Variants in NR4A2 observed in about 807,000 individuals in gnomAD.
NR4A2 encodes NGFI-B/nur77 beta-type transcription factor homolog.
In NR4A2, 1 loss-of-function variant was observed where a neutral mutation model predicts 50.5. That is an observed-to-expected ratio of 0.02 (90% CI 0.01 to 0.09). NR4A2 has a LOEUF of 0.09. Ranked by LOEUF, NR4A2 falls within the 10% of genes least tolerant of loss-of-function variation. NR4A2 has a pLI of 1.00. For synonymous variants in NR4A2, 328 were observed against 309.4 expected, an observed-to-expected ratio of 1.06 and a Z score of -0.63; for missense variants, 613 against 777.3, an observed-to-expected ratio of 0.79 and a Z score of 2.51.
At position 156,332,501 on chromosome 2, in the gene NR4A2, CTTCA is replaced by C. The variant is rs2105626034; in HGVS notation, c.-152_-149del. ...TCACTTAGGAGTTCTCCGCGTCTGTCTTCATTCATTCAACTCTGCCGAAGTGCAG... is the reference window on the plus strand; with the variant it reads ...TCACTTAGGAGTTCTCCGCGTCTGTCTTCATTCAACTCTGCCGAAGTGCAG... On this transcript the variant is annotated 5_prime_UTR_variant, in exon 1 of 8. It removes an upstream start codon present in the reference 5' UTR. Transcript: ENST00000339562. The C allele has an allele frequency of 7.8e-6, 10 of 1,289,148 alleles. No individual in the cohort carries two copies. The highest frequency in any genetic ancestry group is 1.5e-5 in the African/African-American group (1 of 65,998). The allele number at this position is 1,289,148 out of a possible 1,614,324, so 79.9% of individuals were successfully genotyped here. A position where few individuals can be genotyped will look rare whatever the true frequency, so the allele number is the denominator to read the frequency against.
Position 156,326,414 on chromosome 2 carries a change from G to A in NR4A2, c.1362-86C>T. ...AATTACTTGAAGAGCAATAAATGAG[G>A]GATTTAAGAGTCACCTAATTACTGA... On this transcript the variant is annotated intron_variant, in intron 6 of 7. Coordinates refer to ENST00000339562, the MANE Select transcript of NR4A2 (RefSeq NM_006186.4). This position sits in a 1 kb window ranked among gnomAD's most constrained non-coding sequence, Gnocchi z 4.2. The A allele has an allele frequency of 8.1e-7, 1 of 1,233,172 alleles. No homozygotes were observed. The allele number at this position is 1,233,172 out of a possible 1,614,324, so 76.4% of individuals were successfully genotyped here. A position where few individuals can be genotyped will look rare whatever the true frequency, so the allele number is the denominator to read the frequency against.
In NR4A2 at chr2:156,329,261, A is replaced by C; in HGVS notation, c.864+62T>G. The C allele has an allele frequency of 1.3e-6, 2 of 1,566,452 alleles. No individual in the cohort carries two copies. The highest frequency in any genetic ancestry group is 8.7e-7 in the Non-Finnish European group (1 of 1,155,526). On this transcript the variant is annotated intron_variant, in intron 3 of 7. Coordinates refer to ENST00000339562, the MANE Select transcript of NR4A2 (RefSeq NM_006186.4). The surrounding 1 kb of genome is among the most constrained non-coding windows in gnomAD (Gnocchi z 7.5). ...CTACTGGCACCAAGGCAGAGGGCAC[A>C]CTCCGAGGTCCCGGGCACTAGGGGC...
At position 156,329,377 on chromosome 2, in the gene NR4A2, C is replaced by G; in HGVS notation, c.810G>C (p.Ala270=). The change falls in exon 3 of 8, where the codon GCG becomes GCC. Residue 270 remains alanine (A), a synonymous_variant. Coordinates refer to ENST00000339562, the MANE Select transcript of NR4A2 (RefSeq NM_006186.4). The surrounding 1 kb of genome is among the most constrained non-coding windows in gnomAD (Gnocchi z 7.5). ...TGCGCACGCCGTAGTGTTGGCAGGC[C>G]GCGTTGTCCCCACACACAGCGCACA... ...EGLCAVCGDN[A]ACQHYGVRTC... is the part of the protein sequence containing the mutation. The G allele has an allele frequency of 6.2e-7, 1 of 1,612,360 alleles. No homozygotes were observed.
intron 1 of NR4A2, among the ~76,000 whole-genome samples, chr2:156,331,340 A>G (rs1242568299): frequency 1.3e-5 from 2 of 152,234 alleles, no homozygotes; most frequent in Non-Finnish European, 2.9e-5. Context: ...CCGCACTTCT[A>G]AAGTGCTTTT....
At position 156,329,721 on chromosome 2, in the gene NR4A2, A is replaced by G. The variant is rs1686832411; in HGVS notation, c.466T>C (p.Tyr156His). 6.2e-7 allele frequency: 1 copy of G among 1,613,866 alleles called. No homozygotes were observed. Among genetic ancestry groups the G allele is most frequent in the Non-Finnish European group, 8.5e-7 (1 of 1,179,930 alleles). ...TCGATCATGTGCGTAGTGGCCACGT[A>G]GTTCTGGTGGAAGTTGTGGAGAGAT... is the stretch of plus-strand genomic sequence containing the variant. ...PGSLHNFHQNYVATTHMIEQR... is the reference protein window; with the variant it reads ...PGSLHNFHQNHVATTHMIEQR... Residue 156 changes from tyrosine to histidine, a missense_variant, in exon 3 of 8, where the codon TAC (tyrosine) becomes CAC (histidine). This residue lies in a region of NR4A2 where 275 missense variants were observed against 248.9 expected (regional missense o/e 1.10). Coordinates refer to ENST00000339562, the MANE Select transcript of NR4A2 (RefSeq NM_006186.4). The surrounding 1 kb of genome is among the most constrained non-coding windows in gnomAD (Gnocchi z 7.5).
intron 5 of NR4A2, among the ~76,000 whole-genome samples, chr2:156,327,146 A>G (rs1025472653): frequency 1.3e-5 from 2 of 152,186 alleles, no homozygotes; most frequent in African/African-American, 4.8e-5. Flanking sequence ...GACTAAATAC[A>G]GTGCCATCCA....
rs775630090 is a variant in NR4A2 at position 156,330,048 on chromosome 2, T to C, written c.139A>G (p.Thr47Ala). ...GTGGTGGCAGTGATTTCAGTGTTGG[T>C]GAGGTCCATGCTAAACTTGACAAAC... Reference protein sequence around the residue: ...PEFVKFSMDLTNTEITATTSL... With the variant: ...PEFVKFSMDLANTEITATTSL... Residue 47 changes from threonine (T) to alanine (A), a missense_variant, in exon 3 of 8, where the codon ACC becomes GCC. By Grantham distance (58) the Thr-to-Ala change is moderately conservative (BLOSUM62 0). Around this residue, in one of 4 missense-constraint regions of NR4A2, gnomAD observed 61 missense variants for 96.4 expected, o/e 0.63. Transcript: ENST00000339562. 6.2e-7 allele frequency: 1 copy of C among 1,614,100 alleles called. No individual in the cohort carries two copies. Among genetic ancestry groups the C allele is most frequent in the Non-Finnish European group, 8.5e-7 (1 of 1,180,014 alleles).
In NR4A2 at chr2:156,326,063, C is replaced by T; in HGVS notation, c.1541-63G>A. ...CAAGACAGTTAGCTAGTTGGCAAAA[C>T]CAAGGAGAATCTGTGACAAGGGAAA... is the stretch of plus-strand genomic sequence containing the variant. On this transcript the variant is annotated intron_variant, in intron 7 of 7. Transcript: ENST00000339562. The surrounding 1 kb of genome is among the most constrained non-coding windows in gnomAD (Gnocchi z 4.2). 2 of 1,613,604 alleles carry T rather than the reference C, an allele frequency of 1.2e-6. No individual in the cohort carries two copies. Among genetic ancestry groups the T allele is most frequent in the South Asian group, 2.2e-5 (2 of 91,014 alleles).
Position 156,326,016 on chromosome 2 carries a change from T to C in NR4A2, c.1541-16A>G. On this transcript the variant is annotated splice_polypyrimidine_tract_variant and intron_variant, in intron 7 of 7. Coordinates refer to ENST00000339562, the MANE Select transcript of NR4A2 (RefSeq NM_006186.4). The surrounding 1 kb of genome is among the most constrained non-coding windows in gnomAD (Gnocchi z 4.2). ...CCGTGTCTCTCTGCAGAAAACATAATCAGAAACAAAAGAAGAATGTACAAG... is the reference window on the plus strand; with the variant it reads ...CCGTGTCTCTCTGCAGAAAACATAACCAGAAACAAAAGAAGAATGTACAAG... 2 of 1,614,088 alleles carry C rather than the reference T, an allele frequency of 1.2e-6. No homozygotes were observed. The highest frequency in any genetic ancestry group is 1.3e-5 in the African/African-American group (1 of 75,014).
intron 5 of NR4A2, among the ~76,000 whole-genome samples, chr2:156,327,124 C>G (rs962978534): frequency 6.6e-6 from 1 of 152,098 alleles, no homozygotes; most frequent in Non-Finnish European, 1.5e-5. Flanking sequence ...TGTAAATTGC[C>G]ATTTCCATAC....
At position 156,330,161 on chromosome 2, in the gene NR4A2, C is replaced by G; in HGVS notation, c.26G>C (p.Gly9Ala). 1 of 1,614,094 alleles carries G rather than the reference C, an allele frequency of 6.2e-7. No individual in the cohort carries two copies. Among genetic ancestry groups the G allele is most frequent in the Non-Finnish European group, 8.5e-7 (1 of 1,180,014 alleles). The part of the protein sequence containing the change: MPCVQAQY[G>A]SSPQGASPAS... ...GGGGCTGGCTCCTTGAGGCGAGGAC[C>G]CATACTGCGCCTGAACACAAGGCAT... Residue 9 changes from glycine to alanine, a missense_variant, in exon 3 of 8, where the codon GGG becomes GCG. Gly to Ala is a moderately conservative substitution (Grantham distance 60). Around this residue, in one of 4 missense-constraint regions of NR4A2, gnomAD observed 61 missense variants for 96.4 expected, o/e 0.63. Coordinates refer to ENST00000339562, the MANE Select transcript of NR4A2 (RefSeq NM_006186.4).
In NR4A2 at chr2:156,329,829, C is replaced by A. The variant is rs779969826; in HGVS notation, c.358G>T (p.Val120Phe). 30 of 1,614,128 alleles carry A rather than the reference C, an allele frequency of 1.9e-5. No homozygotes were observed. The highest frequency in any genetic ancestry group is 2.5e-5 in the Non-Finnish European group (29 of 1,180,024). The change falls in exon 3 of 8, where the codon GTT becomes TTT. Residue 120 changes from valine (V) to phenylalanine (F), a missense_variant. Around this residue, in one of 4 missense-constraint regions of NR4A2, gnomAD observed 275 missense variants for 248.9 expected, o/e 1.10. Coordinates refer to ENST00000339562, the MANE Select transcript of NR4A2 (RefSeq NM_006186.4). The surrounding 1 kb of genome is among the most constrained non-coding windows in gnomAD (Gnocchi z 7.5). ...SEEMMPHSGS[V>F]YYKPSSPPTP... ...GGGGGCGAGGAGGGCTTGTAGTAAACCGACCCGGAGTGCGGCATCATCTCC... is the reference window on the plus strand; with the variant it reads ...GGGGGCGAGGAGGGCTTGTAGTAAAACGACCCGGAGTGCGGCATCATCTCC...
chr2:156,332,676 G>A lies in NR4A2; in HGVS notation c.-323C>T, dbSNP rs868319734. ...ACCGCGGAGCCGTGCGCGAGCCGCC[G>A]GGCGGACTGGCCCTGGCCGCCAATG... On this transcript the variant is annotated 5_prime_UTR_variant, in exon 1 of 8. Coordinates refer to ENST00000339562, the MANE Select transcript of NR4A2 (RefSeq NM_006186.4). 3.8e-5 allele frequency: 15 copies of A among 396,580 alleles called. No homozygotes were observed. Among genetic ancestry groups the A allele is most frequent in the Non-Finnish European group, 5.9e-5 (12 of 204,648 alleles). The allele number at this position is 396,580 out of a possible 1,614,324, so 24.6% of individuals were successfully genotyped here. A position where few individuals can be genotyped will look rare whatever the true frequency, so the allele number is the denominator to read the frequency against.
chr2:156,329,991 T>C lies in NR4A2; in HGVS notation c.196A>G (p.Asn66Asp). 1 of 1,614,200 alleles carries C rather than the reference T, an allele frequency of 6.2e-7. No homozygotes were observed. Among genetic ancestry groups the C allele is most frequent in the Non-Finnish European group, 8.5e-7 (1 of 1,180,036 alleles). The change falls in exon 3 of 8, where the codon AAC becomes GAC. Residue 66 changes from asparagine (N) to aspartate (D), a missense_variant. Coordinates refer to ENST00000339562, the MANE Select transcript of NR4A2 (RefSeq NM_006186.4). This position sits in a 1 kb window ranked among gnomAD's most constrained non-coding sequence, Gnocchi z 7.5. Reference sequence around the variant, plus strand: ...TTGACGTCGTAGCCTGTGCTGTAGTTGTCCATAAAGGTACTGAAGCTGGGG... The same window carrying C: ...TTGACGTCGTAGCCTGTGCTGTAGTCGTCCATAAAGGTACTGAAGCTGGGG... ...SLPSFSTFMD[N>D]YSTGYDVKPP...
chr2:156,325,506 T>C lies in NR4A2; in HGVS notation c.*238A>G. 1.8e-6 allele frequency: 1 copy of C among 568,022 alleles called. No homozygotes were observed. Among genetic ancestry groups the C allele is most frequent in the East Asian group, 3.1e-5 (1 of 32,098 alleles). The allele number at this position is 568,022 out of a possible 1,614,324, so 35.2% of individuals were successfully genotyped here. A position where few individuals can be genotyped will look rare whatever the true frequency, so the allele number is the denominator to read the frequency against. ...TATTGTGTGTAGTCCATGTTCTAAA[T>C]CCAGGATGCCCCGGAGCCAAAATGC... is the stretch of plus-strand genomic sequence containing the variant. On this transcript the variant is annotated 3_prime_UTR_variant, in exon 8 of 8. Coordinates refer to ENST00000339562, the MANE Select transcript of NR4A2 (RefSeq NM_006186.4).
At position 156,326,974 on chromosome 2, in the gene NR4A2, G is replaced by A. The variant is rs536188530; in HGVS notation, c.1159-54C>T. On this transcript the variant is annotated intron_variant, in intron 5 of 7. Transcript: ENST00000339562. The surrounding 1 kb of genome is among the most constrained non-coding windows in gnomAD (Gnocchi z 4.2). ...TGAGGTTCTCTAAAATATATAACCC[G>A]TGAAATTGCTAACCCCGTTTCTAAT... 1.5e-5 allele frequency: 24 copies of A among 1,552,664 alleles called. No individual in the cohort carries two copies. The South Asian group carries it at 1.7e-4, about 11-fold the overall frequency.
At position 156,329,176 on chromosome 2, in the gene NR4A2, T is replaced by A; in HGVS notation, c.864+147A>T. The A allele has an allele frequency of 8.4e-7, 1 of 1,183,548 alleles. No individual in the cohort carries two copies. Among genetic ancestry groups the A allele is most frequent in the Non-Finnish European group, 1.2e-6 (1 of 828,196 alleles). 73.3% of individuals were successfully genotyped at this position (1,183,548 alleles called of 1,614,324 possible). ...GTCCCCGCCGCAGCCCATGGTCTCC[T>A]GCAGGGCAGCTTCGGCGGACCCCGG... On this transcript the variant is annotated intron_variant, in intron 3 of 7. Transcript: ENST00000339562. This position sits in a 1 kb window ranked among gnomAD's most constrained non-coding sequence, Gnocchi z 7.5.
chr2:156,331,646 T>C (rs555507210), intron 1 of NR4A2: 1 of 152,362 alleles, frequency 6.6e-6, no homozygotes, highest in Admixed American at 6.5e-5. Context: ...TTTTCAGATG[T>C]TCCCACTTGG....
rs1686796464 is a variant in NR4A2 at position 156,329,245 on chromosome 2, C to T, written c.864+78G>A. 9.0e-6 allele frequency: 14 copies of T among 1,550,772 alleles called. No homozygotes were observed. The highest frequency in any genetic ancestry group is 5.2e-6 in the Non-Finnish European group (6 of 1,146,002). On this transcript the variant is annotated intron_variant, in intron 3 of 7. Transcript: ENST00000339562. The surrounding 1 kb of genome is among the most constrained non-coding windows in gnomAD (Gnocchi z 7.5). ...GAGAGCTGGGGCTGGGCTACTGGCA[C>T]CAAGGCAGAGGGCACACTCCGAGGT...
Sources: gnomAD v4.1 joint callset for allele counts (sites outside exome capture counted in the v4.1 genomes callset) on GRCh38, gnomAD v4.1.1 for gene constraint, gnomAD v4.1.1 regional missense constraint, Gnocchi (gnomAD v3.1) non-coding constraint, MANE v1.5 for transcripts, NCBI Gene and HGNC (gene_info 2026-07-23, HGNC 2026-07-21) for gene names.